HS3ST5: variants seen among roughly 807,000 people sequenced by gnomAD.
HS3ST5 encodes the protein heparan sulfate glucosamine 3-O-sulfotransferase 5.
A neutral mutation model predicts 25.4 loss-of-function variants in HS3ST5; 10 were observed. That is an observed-to-expected ratio of 0.39 (90% CI 0.24 to 0.67). The LOEUF (loss-of-function observed/expected upper bound fraction) is 0.67. HS3ST5 is among the 30% of genes least tolerant of loss of function. HS3ST5 has a pLI of 0.44. For synonymous variants in HS3ST5, 170 were observed against 162.4 expected, an observed-to-expected ratio of 1.05 and a Z score of -0.36; for missense variants, 324 against 420.7, an observed-to-expected ratio of 0.77 and a Z score of 2.01.
chr6:114,263,930 C>T (rs1773288857), intron 1 of HS3ST5, among the ~76,000 whole-genome samples: 1 of 151,912 alleles, frequency 6.6e-6, no homozygotes, highest in South Asian at 2.1e-4. Context: ...ATAACACAGC[C>T]ATGGTATCTC....
At chr6:114,283,712 C>G (rs1774223560) in intron 1 of HS3ST5, among the ~76,000 whole-genome samples, 1 of 151,852 alleles carries the variant, frequency 6.6e-6, no homozygotes, top group Non-Finnish European at 1.5e-5. Context: ...AAAATATGTT[C>G]CTTGAAAATT....
chr6:114,294,836 T>C (rs910902211), intron 1 of HS3ST5, among the ~76,000 whole-genome samples: 2 of 152,232 alleles, frequency 1.3e-5, no homozygotes, highest in Non-Finnish European at 2.9e-5. Context: ...AAAAAGTTTT[T>C]TGGAAATCCT....
intron 3 of HS3ST5, among the ~76,000 whole-genome samples, chr6:114,093,348 T>TG (rs1775231362): frequency 9.9e-6 from 1 of 100,576 alleles, no homozygotes. Context: ...TTTTTGTTTG[T>TG]TTGTTTGTGT....
At chr6:114,102,576 T>C (rs1775788294) in intron 3 of HS3ST5, among the ~76,000 whole-genome samples, 1 of 152,190 alleles carries the variant, frequency 6.6e-6, no homozygotes, top group Admixed American at 6.5e-5. Flanking sequence ...CCACAGTAGC[T>C]CTACCCAAGG....
At chr6:114,216,819 G>A (rs1781789837) in intron 2 of HS3ST5, among the ~76,000 whole-genome samples, 1 of 151,406 alleles carries the variant, frequency 6.6e-6, no homozygotes, top group Non-Finnish European at 1.5e-5. Flanking sequence ...CATGGTTTTA[G>A]TTGGGGAAGG....
chr6:114,300,996 C>T (rs972464001), intron 1 of HS3ST5, among the ~76,000 whole-genome samples: 3 of 152,068 alleles, frequency 2.0e-5, no homozygotes, highest in African/African-American at 4.8e-5. Flanking sequence ...AGAGCTAGTA[C>T]GTTGGAGTGG....
At chr6:114,127,648 A>C (rs1013975002) in intron 3 of HS3ST5, among the ~76,000 whole-genome samples, 1 of 152,158 alleles carries the variant, frequency 6.6e-6, no homozygotes, top group African/African-American at 2.4e-5. Flanking sequence ...ATCTTAAAGC[A>C]CTATGCCTAC....
At chr6:114,262,855 A>G (rs1471313292) in intron 1 of HS3ST5, among the ~76,000 whole-genome samples, 3 of 152,120 alleles carry the variant, frequency 2.0e-5, no homozygotes, top group Non-Finnish European at 4.4e-5. Context: ...GGTATCAAAA[A>G]CCACCTTTCT....
chr6:114,267,377 G>A (rs1222242408), intron 1 of HS3ST5, among the ~76,000 whole-genome samples: 1 of 152,138 alleles, frequency 6.6e-6, no homozygotes, highest in Non-Finnish European at 1.5e-5. Flanking sequence ...AAGGGCTAAT[G>A]TACAGCTAAA....
intron 3 of HS3ST5, among the ~76,000 whole-genome samples, chr6:114,168,022 T>C (rs1283270819): frequency 6.6e-6 from 1 of 152,058 alleles, no homozygotes; most frequent in Non-Finnish European, 1.5e-5. Context: ...ATCAGTTTCA[T>C]GATAACTTCA....
chr6:114,230,353 G>T (rs1771523527), intron 1 of HS3ST5: 1 of 151,974 alleles, frequency 6.6e-6, no homozygotes, highest in African/African-American at 2.4e-5. Flanking sequence ...CTCAGTAAGA[G>T]ACTTAAGTTT....
At position 114,286,737 on chromosome 6, in the gene HS3ST5, T is replaced by C. The variant is rs577566500; in HGVS notation, c.-339+55458A>G. Among the ~76,000 whole-genome samples the C allele has an allele frequency of 9.2e-5, 14 of 152,156 alleles. No homozygotes were observed. The East Asian group carries it at 2.7e-3, about 29-fold the overall frequency. On this transcript the variant is annotated intron_variant, in intron 1 of 4. Transcript: ENST00000312719. Reference sequence around the variant, plus strand: ...TTTTGCTTTTCTCATTTTCTTGTGGTTCATTTTACATTAGAACGAAATAAG... The same window carrying C: ...TTTTGCTTTTCTCATTTTCTTGTGGCTCATTTTACATTAGAACGAAATAAG...
chr6:114,337,565 G>C (rs947915109), intron 1 of HS3ST5, among the ~76,000 whole-genome samples: 5 of 152,094 alleles, frequency 3.3e-5, no homozygotes, highest in African/African-American at 1.2e-4. Flanking sequence ...CTGAACCTTT[G>C]GAAATTATTG....
At chr6:114,242,463 T>G (rs934553634) in intron 1 of HS3ST5, among the ~76,000 whole-genome samples, 3 of 152,186 alleles carry the variant, frequency 2.0e-5, no homozygotes, top group African/African-American at 7.2e-5. Context: ...ACTACCTAAA[T>G]GTATACTATA....
intron 1 of HS3ST5, among the ~76,000 whole-genome samples, chr6:114,272,894 A>T (rs1183155903): frequency 6.6e-6 from 1 of 152,080 alleles, no homozygotes; most frequent in East Asian, 1.9e-4. Context: ...GAGTGGAGTG[A>T]AGTAAGAGTA....
At chr6:114,205,140 G>A (rs1273935881) in intron 2 of HS3ST5, among the ~76,000 whole-genome samples, 3 of 151,986 alleles carry the variant, frequency 2.0e-5, no homozygotes, top group Non-Finnish European at 4.4e-5. Flanking sequence ...CGTAGAATTC[G>A]TGCAGATCCC....
At chr6:114,186,041 G>T (rs772770037) in intron 2 of HS3ST5, among the ~76,000 whole-genome samples, 1 of 151,950 alleles carries the variant, frequency 6.6e-6, no homozygotes, top group Non-Finnish European at 1.5e-5. Context: ...AATAAATGTT[G>T]GGTATTCTGA....
At chr6:114,068,431 G>T (rs904530275) in intron 3 of HS3ST5, among the ~76,000 whole-genome samples, 1 of 152,126 alleles carries the variant, frequency 6.6e-6, no homozygotes, top group Non-Finnish European at 1.5e-5. Context: ...AAAGATATCC[G>T]GTTAATTTAA....
chr6:114,239,945 C>T (rs1487199358), intron 1 of HS3ST5, among the ~76,000 whole-genome samples: 1 of 151,978 alleles, frequency 6.6e-6, no homozygotes, highest in Non-Finnish European at 1.5e-5. Flanking sequence ...TTTGCCAGCA[C>T]AAAGCTCATC....
Sources: gnomAD v4.1 joint callset for allele counts (sites outside exome capture counted in the v4.1 genomes callset) on GRCh38, gnomAD v4.1.1 for gene constraint, MANE v1.5 for transcripts, NCBI Gene and HGNC (gene_info 2026-07-23, HGNC 2026-07-21) for gene names.